Variants in RCAN2 observed in about 807,000 individuals in gnomAD.
RCAN2 encodes calcipressin-2.
Under a neutral mutation model 23.6 loss-of-function variants are expected in RCAN2, and 9 were observed. The ratio of observed to expected loss-of-function variants is 0.38; its 90% CI spans 0.23 to 0.67. The LOEUF (loss-of-function observed/expected upper bound fraction) is 0.67. Among genes scored for constraint, RCAN2 ranks in the 30% least tolerant of loss-of-function variants. RCAN2 has a pLI of 0.51. For synonymous variants in RCAN2, 109 were observed against 115.7 expected (o/e 0.94, Z 0.37); for missense variants, 273 against 302.3 (o/e 0.90, Z 0.72).
At chr6:46,406,029 C>T (rs1766395420) in intron 2 of RCAN2, among the ~76,000 whole-genome samples, 1 of 152,238 alleles carries the variant, frequency 6.6e-6, no homozygotes, top group African/African-American at 2.4e-5. Context: ...CCTCACTGCC[C>T]GGGGCAGCAG....
chr6:46,396,961 A>T (rs1766108730), intron 2 of RCAN2, among the ~76,000 whole-genome samples: 1 of 152,040 alleles, frequency 6.6e-6, no homozygotes, highest in African/African-American at 2.4e-5. Flanking sequence ...AAATACAAAA[A>T]TTAGCTGGGT....
chr6:46,250,062 G>A (rs1429930476), intron 2 of RCAN2, among the ~76,000 whole-genome samples: 2 of 152,154 alleles, frequency 1.3e-5, no homozygotes, highest in East Asian at 3.9e-4. Context: ...TCTATTAAAT[G>A]CTTACTTTGT....
chr6:46,453,714 G>T (rs979837332), intron 2 of RCAN2, among the ~76,000 whole-genome samples: 2 of 152,156 alleles, frequency 1.3e-5, no homozygotes, highest in African/African-American at 4.8e-5. Context: ...AAATAGAGAA[G>T]AGAATGCTGC....
chr6:46,395,969 A>G (rs1766077994), intron 2 of RCAN2, among the ~76,000 whole-genome samples: 1 of 152,080 alleles, frequency 6.6e-6, no homozygotes, highest in African/African-American at 2.4e-5. Context: ...TAGTTTCACA[A>G]CCCTGCACGT....
At chr6:46,301,375 T>C (rs533723286) in intron 2 of RCAN2, among the ~76,000 whole-genome samples, 1 of 152,158 alleles carries the variant, frequency 6.6e-6, no homozygotes, top group African/African-American at 2.4e-5. Flanking sequence ...GTACCTCTGC[T>C]CAAGGACCCT....
At chr6:46,405,838 C>T (rs6914873) in intron 2 of RCAN2, among the ~76,000 whole-genome samples, 2 of 152,214 alleles carry the variant, frequency 1.3e-5, no homozygotes, top group African/African-American at 2.4e-5. Flanking sequence ...CTGGGAGGCT[C>T]GGGCCGCACA....
At chr6:46,342,783 C>A (rs1434878022) in intron 2 of RCAN2, among the ~76,000 whole-genome samples, 1 of 151,776 alleles carries the variant, frequency 6.6e-6, no homozygotes, top group African/African-American at 2.4e-5. Flanking sequence ...CAGATGAACT[C>A]ACAGAAAACT....
intron 2 of RCAN2, among the ~76,000 whole-genome samples, chr6:46,260,455 C>T (rs772141479): frequency 6.6e-6 from 1 of 152,070 alleles, no homozygotes; most frequent in Non-Finnish European, 1.5e-5. Context: ...TGTAAGTACC[C>T]AAAGTGGAGA....
chr6:46,293,066 A>G (rs1468970970), intron 2 of RCAN2, among the ~76,000 whole-genome samples: 5 of 152,064 alleles, frequency 3.3e-5, no homozygotes, highest in African/African-American at 4.8e-5. Context: ...TCCTTTTTTA[A>G]TGGTTGTATA....
intron 2 of RCAN2, among the ~76,000 whole-genome samples, chr6:46,372,151 G>T: frequency 6.6e-6 from 1 of 152,104 alleles, no homozygotes; most frequent in East Asian, 1.9e-4. Context: ...CATGCTCATG[G>T]TGTTTCTTAT....
intron 2 of RCAN2, among the ~76,000 whole-genome samples, chr6:46,289,713 CTAACTT>C (rs1762483316): frequency 1.3e-5 from 2 of 152,144 alleles, no homozygotes; most frequent in African/African-American, 4.8e-5. Flanking sequence ...ATTAAGGTAA[CTAACTT>C]TAAAAGTATC....
At chr6:46,369,251 T>C (rs1274939548) in intron 2 of RCAN2, among the ~76,000 whole-genome samples, 2 of 152,148 alleles carry the variant, frequency 1.3e-5, no homozygotes, top group African/African-American at 4.8e-5. Context: ...GACAATGCCT[T>C]CTGGAATACC....
chr6:46,325,338 C>T, intron 2 of RCAN2: 5 of 1,600,240 alleles, frequency 3.1e-6, no homozygotes, highest in Admixed American at 1.7e-5. Flanking sequence ...TAAAAAGGCT[C>T]TGCCAAGCAG....
intron 2 of RCAN2, among the ~76,000 whole-genome samples, chr6:46,262,449 G>A (rs1415706407): frequency 6.6e-6 from 1 of 152,088 alleles, no homozygotes; most frequent in African/African-American, 2.4e-5. Context: ...CTGCTAGAGA[G>A]GTCTTTCTAA....
intron 2 of RCAN2, among the ~76,000 whole-genome samples, chr6:46,347,329 G>A (rs778549400): frequency 4.6e-5 from 7 of 152,130 alleles, no homozygotes; most frequent in Non-Finnish European, 8.8e-5. Flanking sequence ...CACATGTAAT[G>A]TACATCAGGT....
intron 4 of RCAN2, among the ~76,000 whole-genome samples, chr6:46,237,930 A>G (rs925447113): frequency 5.9e-5 from 9 of 152,170 alleles, no homozygotes; most frequent in Non-Finnish European, 1.2e-4. Flanking sequence ...TGAGTGAACC[A>G]TCTTCATAGT....
intron 2 of RCAN2, among the ~76,000 whole-genome samples, chr6:46,423,981 A>G (rs1174149243): frequency 6.6e-6 from 1 of 152,210 alleles, no homozygotes; most frequent in East Asian, 1.9e-4. Context: ...AAGAACACGC[A>G]GCCAATAAGT....
At chr6:46,295,087 GCA>G (rs1223520805) in intron 2 of RCAN2, among the ~76,000 whole-genome samples, 1 of 152,056 alleles carries the variant, frequency 6.6e-6, no homozygotes, top group Admixed American at 6.6e-5. Context: ...TGCTAAAGGG[GCA>G]CAGGAGGAAG....
intron 2 of RCAN2, among the ~76,000 whole-genome samples, chr6:46,278,634 A>G (rs1360195744): frequency 6.6e-6 from 1 of 152,198 alleles, no homozygotes; most frequent in African/African-American, 2.4e-5. Context: ...AGAAAATCAC[A>G]CATAATGTAT....
Sources: allele counts gnomAD v4.1 joint callset (sites outside exome capture counted in the v4.1 genomes callset), GRCh38; gene constraint gnomAD v4.1.1; transcripts MANE v1.5; gene names NCBI Gene and HGNC (gene_info 2026-07-23, HGNC 2026-07-21).